UGT2A1: variants seen among roughly 807,000 people sequenced by gnomAD.
UGT2A1 encodes UDP glucuronosyltransferase family 2 member A1 complex locus, also known as UDP-glucuronosyltransferase 2A1.
UGT2A1 carries 61 observed loss-of-function variants against 45.4 expected under a neutral mutation model. The ratio of observed to expected loss-of-function variants is 1.34; its 90% CI spans 1.09 to 1.66. The LOEUF is 1.66. Ranked by LOEUF, UGT2A1 falls within the 40% of genes most tolerant of loss-of-function variation. The pLI is 0.00. For synonymous variants in UGT2A1, 229 were observed against 196.2 expected, an observed-to-expected ratio of 1.17 and a Z score of -1.40; for missense variants, 649 against 574.3, an observed-to-expected ratio of 1.13 and a Z score of -1.33.
chr4:69,612,025 A>C (rs552451886), intron 3 of UGT2A1, among the ~76,000 whole-genome samples: 1 of 152,236 alleles, frequency 6.6e-6, no homozygotes, highest in East Asian at 1.9e-4. Flanking sequence ...TAACATAGTC[A>C]GCACTCATGT....
Position 69,594,650 on chromosome 4 carries a change from C to A in UGT2A1, c.1131G>T (p.Gly377=). ...KAFITHGGTN[G]IYEAIYHGVP... ...CTCCGTGGTAAATAGCTTCGTAGAT[C>A]CCATTAGTTCCACCATGAGTGATAA... The change falls in exon 6 of 7, where the codon GGG becomes GGT. Residue 377 remains glycine, a synonymous_variant. Coordinates refer to ENST00000286604, the MANE Select transcript of UGT2A1 (RefSeq NM_001252275.3). The A allele has an allele frequency of 3.7e-6, 6 of 1,614,054 alleles. No homozygotes were observed. The highest frequency in any genetic ancestry group is 4.2e-6 in the Non-Finnish European group (5 of 1,180,014).
chr4:69,589,881 T>C (rs545889676), intron 6 of UGT2A1, among the ~76,000 whole-genome samples: 78 of 152,254 alleles, frequency 5.1e-4, no homozygotes, highest in Non-Finnish European at 1.1e-3. Flanking sequence ...CATAAAAAAG[T>C]AGAGTAAGCC....
At chr4:69,651,911 G>A (rs942930599) in intron 1 of UGT2A1, among the ~76,000 whole-genome samples, 3 of 152,174 alleles carry the variant, frequency 2.0e-5, no homozygotes, top group Admixed American at 6.5e-5. Flanking sequence ...CCACCCTAAG[G>A]GAAGAATCAT....
At chr4:69,640,523 C>G (rs1721996735) in intron 2 of UGT2A1, among the ~76,000 whole-genome samples, 1 of 151,762 alleles carries the variant, frequency 6.6e-6, no homozygotes, top group African/African-American at 2.4e-5. Context: ...TAGTGAATCC[C>G]AAACTGAGCA....
rs1334696867 is a variant in UGT2A1 at position 69,649,502 on chromosome 4, T to G, written c.-54-1804A>C. ...AGTTTTAGACAACTAAAATATAGTA[T>G]TTTATTCAGGTGCTATTGAGAGAGG... is the stretch of plus-strand genomic sequence containing the variant. On this transcript the variant is annotated intron_variant, in intron 1 of 6. Coordinates refer to ENST00000286604, the MANE Select transcript of UGT2A1 (RefSeq NM_001252275.3). Among the ~76,000 whole-genome samples, 5 of 152,230 alleles carry G rather than the reference T, an allele frequency of 3.3e-5. No individual in the cohort carries two copies. The East Asian group carries it at 9.7e-4, about 29-fold the overall frequency.
intron 4 of UGT2A1, among the ~76,000 whole-genome samples, chr4:69,598,682 C>T (rs1218073678): frequency 1.3e-5 from 2 of 152,174 alleles, no homozygotes; most frequent in East Asian, 3.9e-4. Context: ...AGGTCAGAAA[C>T]TAAACTCACC....
rs770099005 is a variant in UGT2A1 at position 69,605,264 on chromosome 4, A to T, written c.848-5870T>A. ...ATCAAATTAGAACTCAGGATTAAGAAATTCACTCAAAACCGCTCAACTACA... is the reference window on the plus strand; with the variant it reads ...ATCAAATTAGAACTCAGGATTAAGATATTCACTCAAAACCGCTCAACTACA... On this transcript the variant is annotated intron_variant, in intron 3 of 6. Transcript: ENST00000286604. 9.5e-5 allele frequency among the ~76,000 whole-genome samples: 13 copies of T among 137,010 alleles called. 3 individuals carry two copies. The highest frequency in any genetic ancestry group is 1.6e-4 in the Non-Finnish European group (10 of 64,416). The allele number at this position is 137,010 out of a possible 152,430, so 89.9% of individuals were successfully genotyped here. A position where few individuals can be genotyped will look rare whatever the true frequency, so the allele number is the denominator to read the frequency against.
chr4:69,593,847 TATA>T (rs756118961), intron 6 of UGT2A1, among the ~76,000 whole-genome samples: 1 of 151,960 alleles, frequency 6.6e-6, no homozygotes, highest in Non-Finnish European at 1.5e-5. Context: ...CTGATTAGTT[TATA>T]ATATGTACAT....
intron 6 of UGT2A1, among the ~76,000 whole-genome samples, chr4:69,590,721 G>A (rs1262665108): frequency 2.0e-5 from 3 of 151,930 alleles, no homozygotes; most frequent in Non-Finnish European, 2.9e-5. Context: ...TGGATCATCC[G>A]AATATACTTT....
intron 4 of UGT2A1, chr4:69,596,472 A>G: frequency 1.5e-6 from 2 of 1,364,684 alleles, no homozygotes; most frequent in East Asian, 2.7e-5. Flanking sequence ...AAATTAAGAT[A>G]TATGTCAGAG....
chr4:69,651,989 G>A (rs1200794700), intron 1 of UGT2A1, among the ~76,000 whole-genome samples: 4 of 152,154 alleles, frequency 2.6e-5, no homozygotes, highest in Admixed American at 6.5e-5. Context: ...GCCCACTTGA[G>A]TCTCTTCCAA....
At chr4:69,644,273 C>G (rs1457812199) in intron 2 of UGT2A1, among the ~76,000 whole-genome samples, 1 of 151,586 alleles carries the variant, frequency 6.6e-6, no homozygotes, top group East Asian at 1.9e-4. Flanking sequence ...AGACTGCCAG[C>G]CTAGGTAAAG....
chr4:69,639,397 C>A (rs755629670), intron 2 of UGT2A1: 2 of 1,613,396 alleles, frequency 1.2e-6, no homozygotes, highest in East Asian at 4.5e-5. Flanking sequence ...ACAGGTATCA[C>A]TTCAAAATTC....
intron 3 of UGT2A1, among the ~76,000 whole-genome samples, chr4:69,632,694 C>T (rs2109957884): frequency 6.6e-6 from 1 of 151,976 alleles, no homozygotes; most frequent in South Asian, 2.1e-4. Context: ...TTGAGACCTG[C>T]CTGGCCAACA....
chr4:69,625,224 C>T (rs191684613), intron 3 of UGT2A1, among the ~76,000 whole-genome samples: 155 of 148,466 alleles, frequency 1.0e-3, no homozygotes, highest in African/African-American at 3.7e-3. Flanking sequence ...TTCAGATTTT[C>T]TTTTTATTAC....
intron 3 of UGT2A1, among the ~76,000 whole-genome samples, chr4:69,634,610 A>C (rs1426416884): frequency 1.3e-5 from 2 of 152,212 alleles, no homozygotes; most frequent in African/African-American, 4.8e-5. Context: ...AAGTTGATTT[A>C]ACAACTGATA....
chr4:69,599,790 G>C, intron 3 of UGT2A1: 3 of 156,226 alleles, frequency 1.9e-5, no homozygotes, highest in Admixed American at 6.7e-5. Context: ...GAAGGAGGGA[G>C]GATTTTTTGT....
intron 6 of UGT2A1, among the ~76,000 whole-genome samples, chr4:69,592,012 GC>G (rs1378884787): frequency 6.6e-6 from 1 of 152,170 alleles, no homozygotes; most frequent in African/African-American, 2.4e-5. Flanking sequence ...TGGATGGGGA[GC>G]AAAAGTGGAC....
chr4:69,594,652 C>A lies in UGT2A1; in HGVS notation c.1129G>T (p.Gly377Trp), dbSNP rs371155907. Residue 377 changes from glycine to tryptophan, a missense_variant, in exon 6 of 7, where the codon GGG (glycine) becomes TGG (tryptophan). By Grantham distance (184) the Gly-to-Trp change is radical. Transcript: ENST00000286604. ...CCGTGGTAAATAGCTTCGTAGATCC[C>A]ATTAGTTCCACCATGAGTGATAAAA... ...KAFITHGGTNGIYEAIYHGVP... is the reference protein window; with the variant it reads ...KAFITHGGTNWIYEAIYHGVP... 1.2e-4 allele frequency: 192 copies of A among 1,613,910 alleles called. No individual in the cohort carries two copies. The highest frequency in any genetic ancestry group is 1.5e-4 in the Non-Finnish European group (173 of 1,180,022).
Sources: allele counts gnomAD v4.1 joint callset (sites outside exome capture counted in the v4.1 genomes callset), GRCh38; gene constraint gnomAD v4.1.1; transcripts MANE v1.5; gene names NCBI Gene and HGNC (gene_info 2026-07-23, HGNC 2026-07-21).